The following SOX6 variants were observed in gnomAD, a reference collection of about 807,000 sequenced individuals.
SOX6 encodes the protein SRY-box transcription factor 6.
A neutral mutation model predicts 97.8 loss-of-function variants in SOX6; 11 were observed. The observed-to-expected ratio is 0.11, with a 90% CI of 0.07 to 0.19. The LOEUF is 0.19. Ranked by LOEUF, SOX6 falls within the 10% of genes least tolerant of loss-of-function variation. The pLI is 1.00. For missense variants in SOX6, 810 were observed against 1,039.5 expected (o/e 0.78, Z 3.04); for synonymous variants, 360 against 371.4 (o/e 0.97, Z 0.35).
rs565518630 is a variant in SOX6 at position 16,419,282 on chromosome 11, C to T, written c.-5+57033G>A. 5.3e-5 allele frequency among the ~76,000 whole-genome samples: 8 copies of T among 152,140 alleles called. No homozygotes were observed. In the East Asian group the frequency reaches 9.7e-4, roughly 18 times the overall value. Reference sequence around the variant, plus strand: ...ACATTATGGTTTTGTAGCTTCTTTGCCCTAAAGTAACAAAGATTTGCATAG... The same window carrying T: ...ACATTATGGTTTTGTAGCTTCTTTGTCCTAAAGTAACAAAGATTTGCATAG... On this transcript the variant is annotated intron_variant, in intron 1 of 15. Coordinates refer to the SOX6 transcript ENST00000396356.
intron 4 of SOX6, among the ~76,000 whole-genome samples, chr11:16,540,570 C>T (rs1380698150): frequency 6.6e-6 from 1 of 151,734 alleles, no homozygotes; most frequent in East Asian, 1.9e-4. Flanking sequence ...ATTTAGAAAA[C>T]CCCATTGTCT....
intron 4 of SOX6, among the ~76,000 whole-genome samples, chr11:16,520,613 C>T (rs1861043522): frequency 1.3e-5 from 2 of 152,186 alleles, no homozygotes; most frequent in Non-Finnish European, 2.9e-5. Context: ...CTAGGGAGTG[C>T]CAGACAGTGG....
intron 6 of SOX6, among the ~76,000 whole-genome samples, chr11:16,151,683 CAA>C: frequency 6.6e-6 from 1 of 152,152 alleles, no homozygotes; most frequent in Middle Eastern, 3.4e-3. Context: ...AAAACACAAA[CAA>C]TATGGTCTAT....
At chr11:16,024,399 A>G (rs1385072372) in intron 12 of SOX6, among the ~76,000 whole-genome samples, 4 of 151,770 alleles carry the variant, frequency 2.6e-5, no homozygotes, top group Non-Finnish European at 5.9e-5. Flanking sequence ...TTATCAAATA[A>G]TAAAGCAGCA....
chr11:16,555,835 ACCAATAAT>A (rs1296990438), intron 4 of SOX6, among the ~76,000 whole-genome samples: 6 of 151,716 alleles, frequency 4.0e-5, no homozygotes, highest in Non-Finnish European at 5.9e-5. Flanking sequence ...ATTCATATTT[ACCAATAAT>A]CCAATAATCC....
intron 9 of SOX6, among the ~76,000 whole-genome samples, chr11:16,084,635 T>G (rs183625823): frequency 6.6e-6 from 1 of 152,306 alleles, no homozygotes; most frequent in Non-Finnish European, 1.5e-5. Flanking sequence ...TGCAGAATTC[T>G]TATGGAACCA....
At chr11:16,057,944 T>A (rs1847858847) in intron 9 of SOX6, among the ~76,000 whole-genome samples, 1 of 152,128 alleles carries the variant, frequency 6.6e-6, no homozygotes, top group South Asian at 2.1e-4. Context: ...CACTGAATGT[T>A]CTGAAATTTC....
At chr11:16,452,137 G>T (rs1859730710) in intron 1 of SOX6, among the ~76,000 whole-genome samples, 1 of 152,084 alleles carries the variant, frequency 6.6e-6, no homozygotes. Flanking sequence ...ACATATTGCT[G>T]CATGGAACTA....
At chr11:16,539,129 A>T (rs1590237664) in intron 4 of SOX6, among the ~76,000 whole-genome samples, 1 of 152,368 alleles carries the variant, frequency 6.6e-6, no homozygotes, top group Admixed American at 6.5e-5. Context: ...ACTGTCTCTC[A>T]GACCACAGTG....
chr11:16,495,658 A>G (rs1215682608), intron 4 of SOX6, among the ~76,000 whole-genome samples: 2 of 152,158 alleles, frequency 1.3e-5, no homozygotes, highest in African/African-American at 4.8e-5. Context: ...TTGTTCCCCC[A>G]CTGCTACTGC....
chr11:16,645,959 A>G (rs1287113372), intron 3 of SOX6: 2 of 152,168 alleles, frequency 1.3e-5, no homozygotes, highest in Non-Finnish European at 2.9e-5. Flanking sequence ...TCAATGGCTT[A>G]AAAAAATAAA....
chr11:16,087,522 A>G (rs1198219549), intron 9 of SOX6, among the ~76,000 whole-genome samples: 1 of 152,190 alleles, frequency 6.6e-6, no homozygotes, highest in Non-Finnish European at 1.5e-5. Context: ...TGACAGCCTG[A>G]GTACATGATA....
chr11:15,995,245 A>C (rs1377279367), intron 13 of SOX6, among the ~76,000 whole-genome samples: 1 of 152,164 alleles, frequency 6.6e-6, no homozygotes, highest in Non-Finnish European at 1.5e-5. Flanking sequence ...AGAATTCATA[A>C]ACACCTTGGG....
rs111965760 is a variant in SOX6 at position 16,132,694 on chromosome 11, C to CT, written c.778-20772dup. On this transcript the variant is annotated intron_variant, in intron 6 of 15. Transcript: ENST00000683767. Reference sequence around the variant, plus strand: ...TATCCCTCTTGAGCTATCGGGTTACCTTTTTTTTTTTTTTTTGTTCCATTT... The same window carrying CT: ...TATCCCTCTTGAGCTATCGGGTTACCTTTTTTTTTTTTTTTTTGTTCCATTT... Among the ~76,000 whole-genome samples the CT allele has an allele frequency of 3.8e-3, 518 of 137,192 alleles. 2 individuals carry two copies. Among genetic ancestry groups the CT allele is most frequent in the Middle Eastern group, 7.5e-3 (2 of 268 alleles). 90.0% of individuals were successfully genotyped at this position (137,192 alleles called of 152,430 possible).
intron 4 of SOX6, among the ~76,000 whole-genome samples, chr11:16,565,721 T>TAAAAAAAAAAAAAAAAAAAAAAAA (rs869172397): frequency 1.6e-4 from 1 of 6,448 alleles, no homozygotes; most frequent in African/African-American, 5.5e-4. Flanking sequence ...AATAAATAAA[T>TAAAAAAAAAAAAAAAAAAAAAAAA]AAAAAAAAAA....
At position 16,025,731 on chromosome 11, in the gene SOX6, T is replaced by G. The variant is rs567191487; in HGVS notation, c.1624-10681A>C. ...CTGGAAAACTGATAAATTTGAAGATTTTTTTCCCTCAGAAACATAAACACA... is the reference window on the plus strand; with the variant it reads ...CTGGAAAACTGATAAATTTGAAGATGTTTTTCCCTCAGAAACATAAACACA... On this transcript the variant is annotated intron_variant, in intron 12 of 15. Transcript: ENST00000683767. Among the ~76,000 whole-genome samples, 20 of 152,232 alleles carry G rather than the reference T, an allele frequency of 1.3e-4. No homozygotes were observed. The South Asian group carries it at 3.9e-3, about 30-fold the overall frequency.
chr11:16,622,291 G>GT (rs1052902558), intron 3 of SOX6, among the ~76,000 whole-genome samples: 4 of 152,048 alleles, frequency 2.6e-5, no homozygotes, highest in African/African-American at 9.7e-5. Flanking sequence ...ATTTCAATAG[G>GT]TTTTTGGGGA....
At chr11:16,504,163 C>G (rs11529135) in intron 4 of SOX6, among the ~76,000 whole-genome samples, 26,706 of 151,930 alleles carry the variant, frequency 0.18, 2,748 homozygotes, top group Admixed American at 0.31. Flanking sequence ...ATCTATAGGA[C>G]TTTCCTCTAA....
intron 4 of SOX6, among the ~76,000 whole-genome samples, chr11:16,217,654 T>C (rs918034230): frequency 6.6e-6 from 1 of 152,152 alleles, no homozygotes; most frequent in Non-Finnish European, 1.5e-5. Flanking sequence ...AAGGCTAACA[T>C]TTTATTTCTA....
Sources: gnomAD v4.1 joint callset for allele counts (sites outside exome capture counted in the v4.1 genomes callset) on GRCh38, gnomAD v4.1.1 for gene constraint, MANE v1.5 for transcripts, NCBI Gene and HGNC (gene_info 2026-07-23, HGNC 2026-07-21) for gene names.